ABHD12: variants seen among roughly 807,000 people sequenced by gnomAD.
ABHD12 encodes the protein abhydrolase domain containing 12, lysophospholipase.
Under a neutral mutation model 58.3 loss-of-function variants are expected in ABHD12, and 43 were observed. The observed-to-expected ratio is 0.74, with a 90% CI of 0.58 to 0.95. ABHD12 has a LOEUF of 0.95. Ranked by LOEUF, ABHD12 falls within the 40% of genes least tolerant of loss-of-function variation. ABHD12 has a pLI of 0.00. For synonymous variants in ABHD12, 219 were observed against 211.2 expected (o/e 1.04, Z -0.32); for missense variants, 539 against 537.2 (o/e 1.00, Z -0.03).
chr20:25,303,386 G>A lies in ABHD12; in HGVS notation c.1029+164C>T, dbSNP rs759890788. On this transcript the variant is annotated intron_variant, in intron 11 of 12. Coordinates refer to ENST00000339157, the MANE Select transcript of ABHD12 (RefSeq NM_001042472.3). ...CCTTCCGAAGCAGCCTGGAGGTGAC[G>A]CAGGGAGGATGAGGTGGCCTCCTGA... 92 of 1,516,062 alleles carry A rather than the reference G, an allele frequency of 6.1e-5. No homozygotes were observed. The African/African-American group carries it at 1.0e-3, about 17-fold the overall frequency. 93.9% of individuals were successfully genotyped at this position (1,516,062 alleles called of 1,614,324 possible).
At chr20:25,355,867 A>AT (rs11481443) in intron 1 of ABHD12, among the ~76,000 whole-genome samples, 152,289 of 152,294 alleles carry the variant, frequency 1, 76,142 homozygotes, top group Non-Finnish European at 1. Context: ...CATAAAGGGT[A>AT]TTTTTAAGAA....
At chr20:25,305,535 G>A (rs2088720970) in intron 10 of ABHD12, among the ~76,000 whole-genome samples, 1 of 151,792 alleles carries the variant, frequency 6.6e-6, no homozygotes, top group Admixed American at 6.6e-5. Context: ...GCTAATTTTT[G>A]TATTTTTAGT....
chr20:25,306,782 T>C (rs1285129316), intron 10 of ABHD12, 51 bp downstream of exon 10: 1 of 1,304,916 alleles, frequency 7.7e-7, no homozygotes, highest in Admixed American at 1.8e-5. Flanking sequence ...ATCCAGAGGT[T>C]CTCAGAGTTT....
Position 25,305,690 on chromosome 20 carries a change from A to T in ABHD12, c.950+1143T>A, listed in dbSNP as rs73345011. Among the ~76,000 whole-genome samples the T allele has an allele frequency of 6.6e-3, 1,002 of 152,270 alleles. 15 individuals are homozygous for T. Among genetic ancestry groups the T allele is most frequent in the African/African-American group, 0.023 (960 of 41,532 alleles). On this transcript the variant is annotated intron_variant, in intron 10 of 12. Transcript: ENST00000339157. ...TCCCTCTTTTTTTAAAGAAATCAAAATTCATGATATAAAAATGTCACAAAG... is the reference window on the plus strand; with the variant it reads ...TCCCTCTTTTTTTAAAGAAATCAAATTTCATGATATAAAAATGTCACAAAG...
intron 11 of ABHD12, 45 bp downstream of exon 11, chr20:25,303,505 G>T: frequency 6.2e-7 from 1 of 1,607,910 alleles, no homozygotes; most frequent in Non-Finnish European, 8.5e-7. Context: ...CACTGGCTGA[G>T]TGTGCAAGAT....
In ABHD12 at chr20:25,300,871, T is replaced by TC. The variant is rs777949417; in HGVS notation, c.1170dup (p.Lys391GlufsTer5). On this transcript the variant is annotated frameshift_variant, in exon 13 of 13. Coordinates refer to ENST00000339157, the MANE Select transcript of ABHD12 (RefSeq NM_001042472.3). LOFTEE classifies it high-confidence loss of function. ...CAGTGCTGGTGCTCAGGCTCCGACT[T>TC]CCCCAGGAATTCCCTAGACCACAGG... The TC allele has an allele frequency of 3.0e-5, 48 of 1,613,824 alleles. No homozygotes were observed. The South Asian group carries it at 3.2e-4, about 11-fold the overall frequency.
intron 1 of ABHD12, among the ~76,000 whole-genome samples, chr20:25,362,826 C>T (rs1174695207): frequency 1.3e-5 from 2 of 151,458 alleles, no homozygotes; most frequent in Non-Finnish European, 2.9e-5. Flanking sequence ...AGGCGTGCAC[C>T]ACCACCCCCG....
intron 1 of ABHD12, chr20:25,339,690 G>A (rs752913110): frequency 6.0e-5 from 82 of 1,376,900 alleles, no homozygotes; most frequent in African/African-American, 8.8e-5. Context: ...GACCCCAGCT[G>A]TAACCTCGTA....
downstream of ABHD12, among the ~76,000 whole-genome samples, chr20:25,298,870 T>G (rs1423216242): frequency 6.6e-6 from 1 of 152,160 alleles, no homozygotes; most frequent in Non-Finnish European, 1.5e-5. Flanking sequence ...GCTGCCAGGT[T>G]GTCCTCATCC....
intron 2 of ABHD12, among the ~76,000 whole-genome samples, chr20:25,325,248 G>A (rs1175393908): frequency 3.4e-5 from 5 of 148,564 alleles, no homozygotes; most frequent in Non-Finnish European, 5.9e-5. Context: ...CTTTGAACCC[G>A]GCAGCCCGGC....
rs113889409 is a variant in ABHD12 at position 25,351,171 on chromosome 20, GT to G, written c.192-11821del. Among the ~76,000 whole-genome samples, 244 of 152,216 alleles carry G rather than the reference GT, an allele frequency of 1.6e-3. 2 individuals carry two copies. The highest frequency in any genetic ancestry group is 5.5e-3 in the African/African-American group (229 of 41,534). On this transcript the variant is annotated intron_variant, in intron 1 of 12. Coordinates refer to ENST00000339157, the MANE Select transcript of ABHD12 (RefSeq NM_001042472.3). ...TTGGATCTAAGTTGGTGGAAGAAAG[GT>G]TTTTTTCTTCCCAACAGTGACATCA...
chr20:25,325,869 G>C (rs983459401), intron 2 of ABHD12, among the ~76,000 whole-genome samples: 1 of 151,954 alleles, frequency 6.6e-6, no homozygotes, highest in Non-Finnish European at 1.5e-5. Context: ...TCAGGAGTTC[G>C]AGACCAGCCT....
chr20:25,296,587 T>C (rs1568703077), downstream of ABHD12: 3 of 1,544,676 alleles, frequency 1.9e-6, no homozygotes, highest in African/African-American at 1.4e-5. Context: ...CCTCCTTTTT[T>C]CCCCAAACAC....
At chr20:25,298,942 C>G (rs1272282287), downstream of ABHD12, among the ~76,000 whole-genome samples, 1 of 152,168 alleles carries the variant, frequency 6.6e-6, no homozygotes, top group African/African-American at 2.4e-5. Context: ...TCTCTGCCTC[C>G]CCAGGTCTGT....
chr20:25,306,685 T>G (rs1266731739), intron 10 of ABHD12, 148 bp downstream of exon 10: 2 of 626,940 alleles, frequency 3.2e-6, no homozygotes, highest in African/African-American at 1.8e-5. Flanking sequence ...CCTAGCAGGC[T>G]TTCCCTTTTT....
intron 1 of ABHD12, among the ~76,000 whole-genome samples, chr20:25,347,993 C>T (rs1234149019): frequency 2.0e-5 from 3 of 151,162 alleles, no homozygotes; most frequent in Non-Finnish European, 2.9e-5. Context: ...GGGCAGATCA[C>T]GAGGTCAGGA....
intron 2 of ABHD12, among the ~76,000 whole-genome samples, chr20:25,326,800 T>C (rs1240185041): frequency 2.6e-5 from 4 of 152,176 alleles, no homozygotes; most frequent in African/African-American, 9.6e-5. Flanking sequence ...GTATTTTTCC[T>C]GCAGTTTGGA....
intron 6 of ABHD12, among the ~76,000 whole-genome samples, chr20:25,314,180 C>A (rs2088917711): frequency 6.6e-6 from 1 of 152,010 alleles, no homozygotes; most frequent in Non-Finnish European, 1.5e-5. Flanking sequence ...ACCATGTTGG[C>A]CAGGCTGGTC....
intron 1 of ABHD12, among the ~76,000 whole-genome samples, chr20:25,384,551 C>T (rs1600888162): frequency 1.3e-5 from 2 of 151,900 alleles, no homozygotes; most frequent in East Asian, 3.9e-4. Flanking sequence ...TCAAGTCCAG[C>T]CTGGGCAACA....
Sources: allele counts gnomAD v4.1 joint callset (sites outside exome capture counted in the v4.1 genomes callset), GRCh38; gene constraint gnomAD v4.1.1; transcripts MANE v1.5; gene names NCBI Gene and HGNC (gene_info 2026-07-23, HGNC 2026-07-21).